Variants in SLC9A4 observed in about 807,000 individuals in gnomAD.
The protein encoded by SLC9A4 is solute carrier family 9 member A4.
Under a neutral mutation model 67.4 loss-of-function variants are expected in SLC9A4, and 63 were observed. The ratio of observed to expected loss-of-function variants is 0.93; its 90% CI spans 0.76 to 1.15. The LOEUF is 1.15. Among genes scored for constraint, SLC9A4 ranks in the 50% most tolerant of loss-of-function variants. The pLI is 0.00. For synonymous variants in SLC9A4, 393 were observed against 367.2 expected, an observed-to-expected ratio of 1.07 and a Z score of -0.80; for missense variants, 1,089 against 987.7, an observed-to-expected ratio of 1.10 and a Z score of -1.38.
intron 2 of SLC9A4, among the ~76,000 whole-genome samples, chr2:102,488,703 C>A (rs1449852184): frequency 6.6e-6 from 1 of 152,100 alleles, no homozygotes; most frequent in Non-Finnish European, 1.5e-5. Context: ...TGCCCACCAC[C>A]ACGCCCGGCT....
At chr2:102,503,331 TG>T in intron 2 of SLC9A4, 116 bp from the exon 3 acceptor site, 1 of 947,684 alleles carries the variant, frequency 1.1e-6, no homozygotes, top group Non-Finnish European at 1.5e-6. Flanking sequence ...TAGTATTTTT[TG>T]TTGTGTAATT....
In SLC9A4 at chr2:102,526,253, C is replaced by T; in HGVS notation, c.1951-6C>T. On this transcript the variant is annotated splice_polypyrimidine_tract_variant and splice_region_variant and intron_variant, in intron 10 of 11. Transcript: ENST00000295269. The stretch of plus-strand genomic sequence containing the variant: ...TCTGCTTTTTCTTTCTACTTGCTAC[C>T]CACAGGCTGGCACCAAGAATATCCG... The T allele has an allele frequency of 6.2e-7, 1 of 1,613,100 alleles. No homozygotes were observed. The highest frequency in any genetic ancestry group is 8.5e-7 in the Non-Finnish European group (1 of 1,179,306).
At chr2:102,517,297 T>A (rs1205702441) in intron 8 of SLC9A4, among the ~76,000 whole-genome samples, 1 of 152,208 alleles carries the variant, frequency 6.6e-6, no homozygotes, top group African/African-American at 2.4e-5. Context: ...AGACTTCACA[T>A]CTTAGCTGCT....
chr2:102,529,598 A>T (rs887577392), intron 11 of SLC9A4, among the ~76,000 whole-genome samples: 1 of 152,232 alleles, frequency 6.6e-6, no homozygotes, highest in Non-Finnish European at 1.5e-5. Flanking sequence ...TAAGGCTGAG[A>T]TAGTCCTCAA....
chr2:102,489,622 T>C (rs1403223822), intron 2 of SLC9A4, among the ~76,000 whole-genome samples: 1 of 152,210 alleles, frequency 6.6e-6, no homozygotes, highest in African/African-American at 2.4e-5. Context: ...TCCTCCTCAT[T>C]ACGTGTTCTG....
In SLC9A4 at chr2:102,487,538, G is replaced by A. The variant is rs141274129; in HGVS notation, c.720+8236G>A. On this transcript the variant is annotated intron_variant, in intron 2 of 11. Coordinates refer to ENST00000295269, the MANE Select transcript of SLC9A4 (RefSeq NM_001011552.4). ...ATGCTAGAGCAGGACAGGGCTGGAG[G>A]GGCACTGTATTATTTCATTGCAATG... Among the ~76,000 whole-genome samples the A allele has an allele frequency of 4.7e-3, 715 of 152,198 alleles. 8 individuals carry two copies. Among genetic ancestry groups the A allele is most frequent in the African/African-American group, 0.016 (681 of 41,530 alleles).
At chr2:102,501,369 C>T (rs1194673622) in intron 2 of SLC9A4, among the ~76,000 whole-genome samples, 2 of 152,098 alleles carry the variant, frequency 1.3e-5, no homozygotes, top group African/African-American at 2.4e-5. Context: ...AATCTGCCCA[C>T]CTCGGCCTCC....
chr2:102,479,978 G>A (rs187212885), intron 2 of SLC9A4, among the ~76,000 whole-genome samples: 3 of 152,304 alleles, frequency 2.0e-5, no homozygotes, highest in Non-Finnish European at 2.9e-5. Context: ...AGCCAGTCCC[G>A]TTGCTCAATT....
intron 2 of SLC9A4, among the ~76,000 whole-genome samples, chr2:102,491,399 A>G (rs1684697447): frequency 2.2e-5 from 3 of 134,538 alleles, no homozygotes. Flanking sequence ...ATAAAGAAAA[A>G]GAGGTTTCAT....
rs763769066 is a variant in SLC9A4, at chr2:102,503,693, C to T, written c.966C>T (p.Leu322=). 2 of 1,614,116 alleles carry T rather than the reference C, an allele frequency of 1.2e-6. No homozygotes were observed. The highest frequency in any genetic ancestry group is 2.7e-5 in the African/African-American group (2 of 75,036). The change falls in exon 3 of 12, where the codon CTC becomes CTT. Residue 322 remains leucine, a synonymous_variant. Coordinates refer to ENST00000295269, the MANE Select transcript of SLC9A4 (RefSeq NM_001011552.4). ...ACTTAGCTGCTGAAACCCTCTATCT[C>T]TCCGGCATCCTGGCGTGAGTACAAA... ...LSYLAAETLY[L]SGILAITACA...
chr2:102,505,583 G>A lies in SLC9A4; in HGVS notation c.1198+112G>A, dbSNP rs148026978. The stretch of plus-strand genomic sequence containing the variant: ...TGAGTAGATGCTAACTGGTTTTACC[G>A]GTTAGGGTAGACTAGGAACCTGGTC... On this transcript the variant is annotated intron_variant, in intron 4 of 11. Transcript: ENST00000295269. The A allele has an allele frequency of 1.1e-3, 1,173 of 1,021,700 alleles. 13 individuals carry two copies. In the African/African-American group the frequency reaches 0.017, roughly 14 times the overall value. 63.3% of individuals were successfully genotyped at this position (1,021,700 alleles called of 1,614,324 possible).
At chr2:102,492,471 G>A (rs1314470709) in intron 2 of SLC9A4, among the ~76,000 whole-genome samples, 1 of 152,238 alleles carries the variant, frequency 6.6e-6, no homozygotes, top group Non-Finnish European at 1.5e-5. Flanking sequence ...CCATGTGTAA[G>A]CTGCCAAAGC....
intron 2 of SLC9A4, among the ~76,000 whole-genome samples, chr2:102,484,515 C>T (rs1332507467): frequency 6.6e-6 from 1 of 152,158 alleles, no homozygotes; most frequent in African/African-American, 2.4e-5. Context: ...AGAGTGAATG[C>T]CCAACCTGGA....
chr2:102,494,262 G>T (rs1381122164), intron 2 of SLC9A4, among the ~76,000 whole-genome samples: 2 of 151,778 alleles, frequency 1.3e-5, no homozygotes, highest in Admixed American at 1.3e-4. Flanking sequence ...TATTTTATAT[G>T]AACTGGTATA....
chr2:102,501,481 G>A (rs1218548955), intron 2 of SLC9A4, among the ~76,000 whole-genome samples: 3 of 152,038 alleles, frequency 2.0e-5, no homozygotes, highest in Admixed American at 2.0e-4. Context: ...CTGACCTTAG[G>A]TGACCCACCC....
At chr2:102,515,128 G>T (rs1375834688) in intron 8 of SLC9A4, among the ~76,000 whole-genome samples, 1 of 151,946 alleles carries the variant, frequency 6.6e-6, no homozygotes, top group African/African-American at 2.4e-5. Context: ...TTAGGATAAG[G>T]AACATGGGCC....
chr2:102,473,709 G>C lies in SLC9A4; in HGVS notation c.-51G>C. Reference sequence around the variant, plus strand: ...CTCTCTAGAAGCCTCCCCGACTTCAGATGTGTGGCACACATCCACACAGGG... The same window carrying C: ...CTCTCTAGAAGCCTCCCCGACTTCACATGTGTGGCACACATCCACACAGGG... On this transcript the variant is annotated 5_prime_UTR_variant, in exon 1 of 12. Coordinates refer to ENST00000295269, the MANE Select transcript of SLC9A4 (RefSeq NM_001011552.4). 6.3e-7 allele frequency: 1 copy of C among 1,596,756 alleles called. No homozygotes were observed. Among genetic ancestry groups the C allele is most frequent in the South Asian group, 1.1e-5 (1 of 89,538 alleles).
At chr2:102,512,112 C>G (rs1685176448) in intron 6 of SLC9A4, 91 bp from the exon 7 acceptor site, 2 of 1,356,222 alleles carry the variant, frequency 1.5e-6, no homozygotes, top group African/African-American at 2.9e-5. Context: ...AAATTAAAGG[C>G]TCCTTTGTTT....
At chr2:102,514,279 A>G (rs1256900695) in intron 8 of SLC9A4, 28 bp downstream of exon 8, 2 of 1,548,276 alleles carry the variant, frequency 1.3e-6, no homozygotes, top group East Asian at 2.3e-5. Context: ...TTTGTTCTAA[A>G]CTTTCACTGT....
Sources: allele counts gnomAD v4.1 joint callset (sites outside exome capture counted in the v4.1 genomes callset), GRCh38; gene constraint gnomAD v4.1.1; transcripts MANE v1.5; gene names NCBI Gene and HGNC (gene_info 2026-07-23, HGNC 2026-07-21).